FASLG: variants seen among roughly 807,000 people sequenced by gnomAD.
The protein encoded by FASLG is Fas ligand.
A neutral mutation model predicts 24.6 loss-of-function variants in FASLG; 9 were observed. The observed-to-expected ratio is 0.37, with a 90% CI of 0.22 to 0.64. FASLG has a LOEUF of 0.64. Ranked by LOEUF, FASLG falls within the 30% of genes least tolerant of loss-of-function variation. The probability of loss-of-function intolerance (pLI) is 0.64; values close to 1 mark genes in which losing one functional copy is unlikely to be tolerated. For synonymous variants in FASLG, 130 were observed against 135.5 expected, an observed-to-expected ratio of 0.96 and a Z score of 0.28; for missense variants, 306 against 345.3, an observed-to-expected ratio of 0.89 and a Z score of 0.90.
intron 2 of FASLG, among the ~76,000 whole-genome samples, chr1:172,663,520 A>T (rs889205210): frequency 1.3e-5 from 2 of 152,202 alleles, no homozygotes; most frequent in Non-Finnish European, 2.9e-5. Flanking sequence ...TTGAAAGAAC[A>T]TTACGGGCAG....
At position 172,659,167 on chromosome 1, in the gene FASLG, C is replaced by T. The variant is rs765106773; in HGVS notation, c.-35C>T. ...TCTACAGGACTGAGAAGAAGTAAAA[C>T]CGTTTGCTGGGGCTGGCCTGACTCA... is the stretch of plus-strand genomic sequence containing the variant. On this transcript the variant is annotated 5_prime_UTR_variant, in exon 1 of 4. Coordinates refer to ENST00000367721, the MANE Select transcript of FASLG (RefSeq NM_000639.3). 9.9e-6 allele frequency: 16 copies of T among 1,613,790 alleles called. No individual in the cohort carries two copies. Among genetic ancestry groups the T allele is most frequent in the Admixed American group, 1.7e-5 (1 of 59,966 alleles).
rs138441486 is a variant in FASLG at position 172,664,365 on chromosome 1, G to C, written c.426G>C (p.Glu142Asp). The C allele has an allele frequency of 1.4e-4, 220 of 1,614,030 alleles. 1 individual carries two copies. In the African/African-American group the frequency reaches 2.7e-3, roughly 20 times the overall value. Reference sequence around the variant, plus strand: ...CCAGTCCACCCCCTGAAAAAAAGGAGCTGAGGAAAGTGGCCCATTTAACAG... The same window carrying C: ...CCAGTCCACCCCCTGAAAAAAAGGACCTGAGGAAAGTGGCCCATTTAACAG... ...GHPSPPPEKK[E>D]LRKVAHLTGK... The change falls in exon 3 of 4, where the codon GAG (glutamate) becomes GAC (aspartate). Residue 142 changes from glutamate to aspartate, a missense_variant. Coordinates refer to ENST00000367721, the MANE Select transcript of FASLG (RefSeq NM_000639.3).
At position 172,659,351 on chromosome 1, in the gene FASLG, A is replaced by T; in HGVS notation, c.150A>T (p.Pro50=). ...PGQRRPPPPP[P]PPPLPPPPPP... ...AAAGGAGGCCACCACCACCACCGCC[A>T]CCGCCACCACTACCACCTCCGCCGC... Residue 50 remains proline (P), a synonymous_variant, in exon 1 of 4, where the codon CCA becomes CCT. Transcript: ENST00000367721. The T allele has an allele frequency of 6.2e-7, 1 of 1,610,408 alleles. No homozygotes were observed. Among genetic ancestry groups the T allele is most frequent in the Non-Finnish European group, 8.5e-7 (1 of 1,178,636 alleles).
intron 2 of FASLG, among the ~76,000 whole-genome samples, chr1:172,661,295 C>T (rs950168759): frequency 5.9e-5 from 9 of 152,174 alleles, no homozygotes; most frequent in Admixed American, 1.3e-4. Context: ...CCAGTTTCTC[C>T]GGATGTGGCT....
chr1:172,659,145 A>G lies in FASLG; in HGVS notation c.-57A>G. 1.9e-6 allele frequency: 3 copies of G among 1,612,212 alleles called. No homozygotes were observed. The highest frequency in any genetic ancestry group is 8.5e-7 in the Non-Finnish European group (1 of 1,179,246). On this transcript the variant is annotated 5_prime_UTR_variant, in exon 1 of 4. Transcript: ENST00000367721. ...TCCCGTCCTTGACACCTCAGCCTCTACAGGACTGAGAAGAAGTAAAACCGT... is the reference window on the plus strand; with the variant it reads ...TCCCGTCCTTGACACCTCAGCCTCTGCAGGACTGAGAAGAAGTAAAACCGT...
At chr1:172,664,939 T>A (rs1038608815) in intron 3 of FASLG, among the ~76,000 whole-genome samples, 1 of 152,190 alleles carries the variant, frequency 6.6e-6, no homozygotes, top group African/African-American at 2.4e-5. Context: ...TGGTAGGCTA[T>A]TGTCCCTGGA....
chr1:172,662,826 A>T (rs563120043), intron 2 of FASLG, among the ~76,000 whole-genome samples: 16 of 152,366 alleles, frequency 1.1e-4, no homozygotes, highest in Admixed American at 7.2e-4. Context: ...ATATAAAGAC[A>T]TGCAACATGT....
chr1:172,666,269 AAAG>A lies in FASLG; in HGVS notation c.*254_*256del. The A allele has an allele frequency of 3.8e-6, 2 of 520,412 alleles. No individual in the cohort carries two copies. Among genetic ancestry groups the A allele is most frequent in the Non-Finnish European group, 3.5e-6 (1 of 288,306 alleles). 32.2% of individuals were successfully genotyped at this position (520,412 alleles called of 1,614,324 possible). ...CCATGTGAAGAGGGAGAAGCATGAA[AAAG>A]CAGCTACCAGGTGTTCTACACTCAT... On this transcript the variant is annotated 3_prime_UTR_variant, in exon 4 of 4. Transcript: ENST00000367721.
chr1:172,665,341 A>G (rs1018905576), intron 3 of FASLG, among the ~76,000 whole-genome samples: 13 of 152,238 alleles, frequency 8.5e-5, no homozygotes, highest in Non-Finnish European at 1.9e-4. Context: ...TGAAGATAGT[A>G]AAATCTTTGT....
intron 2 of FASLG, among the ~76,000 whole-genome samples, chr1:172,663,238 G>A (rs1419372035): frequency 6.6e-6 from 1 of 152,164 alleles, no homozygotes; most frequent in Non-Finnish European, 1.5e-5. Context: ...ACATTTGCTA[G>A]TAACATGCCC....
chr1:172,663,998 C>T (rs1315468841), intron 2 of FASLG, among the ~76,000 whole-genome samples: 1 of 152,090 alleles, frequency 6.6e-6, no homozygotes, highest in Non-Finnish European at 1.5e-5. Flanking sequence ...TAAGGTGGGA[C>T]AATAATACCT....
At chr1:172,664,973 A>G (rs1474782388) in intron 3 of FASLG, among the ~76,000 whole-genome samples, 1 of 152,224 alleles carries the variant, frequency 6.6e-6, no homozygotes, top group African/African-American at 2.4e-5. Context: ...AAATTATAGA[A>G]TGATCCGGTC....
chr1:172,659,963 A>G, intron 1 of FASLG, 132 bp from the exon 2 acceptor site: 1 of 999,636 alleles, frequency 1.0e-6, no homozygotes, highest in South Asian at 1.6e-5. Context: ...TTGCTTGGCC[A>G]AAGCCCAAGT....
At chr1:172,664,477 G>T in intron 3 of FASLG, 87 bp downstream of exon 3, 4 of 1,299,674 alleles carry the variant, frequency 3.1e-6, no homozygotes, top group Non-Finnish European at 4.5e-6. Context: ...CCAGGCTCTA[G>T]AGAGTTGTTA....
At position 172,659,123 on chromosome 1, in the gene FASLG, C is replaced by G. The variant is rs534964468; in HGVS notation, c.-79C>G. 5.0e-6 allele frequency: 8 copies of G among 1,600,210 alleles called. No individual in the cohort carries two copies. The highest frequency in any genetic ancestry group is 1.7e-5 in the Admixed American group (1 of 58,032). ...TCTTGAGCAGTCAGCAACAGGGTCCCGTCCTTGACACCTCAGCCTCTACAG... is the reference window on the plus strand; with the variant it reads ...TCTTGAGCAGTCAGCAACAGGGTCCGGTCCTTGACACCTCAGCCTCTACAG... On this transcript the variant is annotated 5_prime_UTR_variant, in exon 1 of 4. Transcript: ENST00000367721.
chr1:172,664,738 G>C (rs1334775848), intron 3 of FASLG, among the ~76,000 whole-genome samples: 1 of 152,164 alleles, frequency 6.6e-6, no homozygotes, highest in African/African-American at 2.4e-5. Flanking sequence ...ACTTATTTTA[G>C]TCAGTGCTTT....
At position 172,666,614 on chromosome 1, in the gene FASLG, G is replaced by A. The variant is rs1459982436; in HGVS notation, c.*598G>A. The A allele has an allele frequency of 7.0e-6, 1 of 143,070 alleles. No homozygotes were observed. The highest frequency in any genetic ancestry group is 1.5e-5 in the Non-Finnish European group (1 of 68,604). 8.9% of individuals were successfully genotyped at this position (143,070 alleles called of 1,614,324 possible). On this transcript the variant is annotated 3_prime_UTR_variant, in exon 4 of 4. Transcript: ENST00000367721. ...CATGTGTATTTCCAGTGCAATTGTA[G>A]GGGTGTGTGTGTGTGTGTGTGTGTG... is the stretch of plus-strand genomic sequence containing the variant.
At chr1:172,663,987 A>G (rs1344411017) in intron 2 of FASLG, among the ~76,000 whole-genome samples, 1 of 152,196 alleles carries the variant, frequency 6.6e-6, no homozygotes. Context: ...TTTGCAATCG[A>G]TAAGGTGGGA....
intron 1 of FASLG, 104 bp downstream of exon 1, chr1:172,659,653 T>C: frequency 6.9e-7 from 1 of 1,453,060 alleles, no homozygotes; most frequent in Non-Finnish European, 9.1e-7. Flanking sequence ...TTTTTTTTTT[T>C]TCTTAGAAAT....
Sources: allele counts gnomAD v4.1 joint callset (sites outside exome capture counted in the v4.1 genomes callset), GRCh38; gene constraint gnomAD v4.1.1; transcripts MANE v1.5; gene names NCBI Gene and HGNC (gene_info 2026-07-23, HGNC 2026-07-21).